PACRGL: variants seen among roughly 807,000 people sequenced by gnomAD.
PACRGL encodes parkin coregulated like.
Under a neutral mutation model 34.5 loss-of-function variants are expected in PACRGL, and 38 were observed. That is an observed-to-expected ratio of 1.10 (90% CI 0.85 to 1.44). PACRGL has a LOEUF of 1.44. Among genes scored for constraint, PACRGL ranks in the 40% most tolerant of loss-of-function variants. The pLI, the probability that PACRGL is intolerant of heterozygous loss-of-function variation, is 0.00. For synonymous variants in PACRGL, 128 were observed against 100.1 expected (o/e 1.28, Z -1.66); for missense variants, 305 against 281.4 (o/e 1.08, Z -0.60).
At position 20,732,444 on chromosome 4, in the gene PACRGL, G is replaced by C. The variant is rs141083867; in HGVS notation, c.*5103G>C. On this transcript the variant is annotated 3_prime_UTR_variant, in exon 9 of 9. Transcript: ENST00000503585. ...TAAAAACTGAATGAAAACAAAACTT[G>C]TGAAACATGAGAACTGTTTAGTGTT... 6.6e-6 allele frequency among the ~76,000 whole-genome samples: 1 copy of C among 152,162 alleles called. No individual in the cohort carries two copies. The highest frequency in any genetic ancestry group is 1.5e-5 in the Non-Finnish European group (1 of 68,020).
chr4:20,765,635 C>G, the PACRGL span, among the ~76,000 whole-genome samples: 3 of 152,200 alleles, frequency 2.0e-5, no homozygotes, highest in Non-Finnish European at 2.9e-5. Context: ...GTCAAATGAA[C>G]TGCTCCATCC....
intron 7 of PACRGL, among the ~76,000 whole-genome samples, chr4:20,722,021 A>G (rs956209165): frequency 9.2e-5 from 14 of 152,352 alleles, no homozygotes; most frequent in African/African-American, 3.4e-4. Context: ...AACCTCAGCA[A>G]TGGCGGGCGC....
chr4:20,711,880 C>A (rs1737410867), intron 5 of PACRGL, among the ~76,000 whole-genome samples: 1 of 152,000 alleles, frequency 6.6e-6, no homozygotes, highest in Admixed American at 6.6e-5. Flanking sequence ...TCTTAACATG[C>A]CTTTAAAATG....
chr4:20,764,857 G>C, the PACRGL span, among the ~76,000 whole-genome samples: 25 of 152,300 alleles, frequency 1.6e-4, 1 homozygote, highest in South Asian at 4.1e-3. Flanking sequence ...TCGCTGTGAT[G>C]GCACTCAGCC....
chr4:20,730,117 T>G lies in PACRGL; in HGVS notation c.*2776T>G. Reference sequence around the variant, plus strand: ...TTTTCAAAGAGCTGCATGGAGCGCATTATGTTTTCATCCTGTAAGGGAGAA... The same window carrying G: ...TTTTCAAAGAGCTGCATGGAGCGCAGTATGTTTTCATCCTGTAAGGGAGAA... On this transcript the variant is annotated 3_prime_UTR_variant, in exon 9 of 9. Transcript: ENST00000503585. 1 of 1,608,602 alleles carries G rather than the reference T, an allele frequency of 6.2e-7. No individual in the cohort carries two copies. Among genetic ancestry groups the G allele is most frequent in the Non-Finnish European group, 8.5e-7 (1 of 1,178,176 alleles).
chr4:20,754,730 G>A (rs907858525), downstream of PACRGL, among the ~76,000 whole-genome samples: 1 of 152,092 alleles, frequency 6.6e-6, no homozygotes, highest in Non-Finnish European at 1.5e-5. Context: ...TTTGTGATAG[G>A]AATCCTTTGC....
At chr4:20,715,390 T>G (rs942769451) in intron 7 of PACRGL, among the ~76,000 whole-genome samples, 5 of 152,052 alleles carry the variant, frequency 3.3e-5, no homozygotes, top group African/African-American at 9.6e-5. Flanking sequence ...AACCTGCACA[T>G]TGTGCACATG....
intron 1 of PACRGL, 74 bp from the exon 2 acceptor site, chr4:20,704,391 GT>G: frequency 2.9e-6 from 4 of 1,392,386 alleles, no homozygotes; most frequent in Non-Finnish European, 4.0e-6. Flanking sequence ...CTCTGTTCTG[GT>G]TTTGTCTTTT....
chr4:20,748,740 A>C (rs1752976953), intron 8 of PACRGL, among the ~76,000 whole-genome samples: 1 of 150,130 alleles, frequency 6.7e-6, no homozygotes, highest in Non-Finnish European at 1.5e-5. Flanking sequence ...CATTTCTCAC[A>C]TATTTTCCCT....
the PACRGL span, among the ~76,000 whole-genome samples, chr4:20,760,910 G>A: frequency 6.6e-6 from 1 of 152,208 alleles, no homozygotes; most frequent in African/African-American, 2.4e-5. Context: ...GGGCCATAGT[G>A]TCCAAGTGTT....
At chr4:20,743,010 A>ATGTGAAGGACCCTTATAAGGG (rs199529463) in intron 8 of PACRGL, among the ~76,000 whole-genome samples, 5,474 of 148,800 alleles carry the variant, frequency 0.037, 180 homozygotes, top group African/African-American at 0.073. Flanking sequence ...CTTATATGGG[A>ATGTGAAGGACCCTTATAAGGG]TGTGAAGGAC....
At chr4:20,700,455 C>T (rs1339314891), upstream of PACRGL, 7 of 152,192 alleles carry the variant, frequency 4.6e-5, no homozygotes, top group South Asian at 2.1e-4. Flanking sequence ...CGCGCGGAGC[C>T]TCATTTCCCC....
At chr4:20,716,485 G>T (rs979146986) in intron 7 of PACRGL, among the ~76,000 whole-genome samples, 7 of 150,832 alleles carry the variant, frequency 4.6e-5, no homozygotes, top group Non-Finnish European at 1.0e-4. Context: ...TCTCCTAATG[G>T]TATCCCTCCC....
chr4:20,764,645 CGA>C, the PACRGL span, among the ~76,000 whole-genome samples: 1 of 150,102 alleles, frequency 6.7e-6, no homozygotes, highest in Non-Finnish European at 1.5e-5. Context: ...AGTCTCACAC[CGA>C]GAGGAGCTAC....
chr4:20,717,929 A>G (rs1418008573), intron 7 of PACRGL, among the ~76,000 whole-genome samples: 1 of 152,176 alleles, frequency 6.6e-6, no homozygotes, highest in East Asian at 1.9e-4. Flanking sequence ...CTTGGGCAGT[A>G]TGGCCATTTT....
chr4:20,697,951 C>T (rs1406171263), upstream of PACRGL, among the ~76,000 whole-genome samples: 1 of 152,106 alleles, frequency 6.6e-6, no homozygotes, highest in Non-Finnish European at 1.5e-5. Flanking sequence ...AAATTTCAAT[C>T]TATGAATTTT....
In PACRGL at chr4:20,723,384, C is replaced by G. The variant is rs1437570995; in HGVS notation, c.610-1424C>G. Among the ~76,000 whole-genome samples the G allele has an allele frequency of 5.3e-5, 8 of 152,084 alleles. No individual in the cohort carries two copies. The East Asian group carries it at 9.6e-4, about 18-fold the overall frequency. On this transcript the variant is annotated intron_variant, in intron 7 of 8. Coordinates refer to ENST00000503585, the MANE Select transcript of PACRGL (RefSeq NM_001258345.3). Reference sequence around the variant, plus strand: ...TAATCTGAGCAGAAACAGGCATGCTCTCAGTCCTTGTGGAGATTATTGGTT... The same window carrying G: ...TAATCTGAGCAGAAACAGGCATGCTGTCAGTCCTTGTGGAGATTATTGGTT...
intron 8 of PACRGL, among the ~76,000 whole-genome samples, chr4:20,743,677 A>T (rs920910973): frequency 2.0e-5 from 3 of 152,122 alleles, no homozygotes; most frequent in African/African-American, 7.2e-5. Flanking sequence ...CTAGAAGAAA[A>T]CCTAGGCAAT....
upstream of PACRGL, among the ~76,000 whole-genome samples, chr4:20,697,130 A>G (rs1731276196): frequency 1.3e-5 from 2 of 152,180 alleles, no homozygotes; most frequent in East Asian, 3.8e-4. Context: ...ATCACTGCTT[A>G]ATTTGTTCCA....
Sources: allele counts gnomAD v4.1 joint callset (sites outside exome capture counted in the v4.1 genomes callset), GRCh38; gene constraint gnomAD v4.1.1; transcripts MANE v1.5; gene names NCBI Gene and HGNC (gene_info 2026-07-23, HGNC 2026-07-21).